Variants in TNRC6A observed in about 807,000 individuals in gnomAD.
TNRC6A encodes trinucleotide repeat-containing gene 6A protein.
In TNRC6A, 44 loss-of-function variants were observed where a neutral mutation model predicts 221.2. That is an observed-to-expected ratio of 0.20 (90% confidence interval 0.16 to 0.26). The LOEUF is 0.26. Among genes scored for constraint, TNRC6A ranks in the 10% least tolerant of loss-of-function variants. TNRC6A has a pLI of 1.00. For synonymous variants in TNRC6A, 847 were observed against 838.5 expected, an observed-to-expected ratio of 1.01 and a Z score of -0.18; for missense variants, 2,199 against 2,404.4, an observed-to-expected ratio of 0.91 and a Z score of 1.79.
At chr16:24,784,253 C>T (rs956669074) in intron 5 of TNRC6A, among the ~76,000 whole-genome samples, 5 of 152,158 alleles carry the variant, frequency 3.3e-5, no homozygotes, top group Admixed American at 6.5e-5. Context: ...CCTCCCGCCT[C>T]GGCCTCTCAA....
At chr16:24,760,991 A>G (rs918985304) in intron 4 of TNRC6A, among the ~76,000 whole-genome samples, 4 of 152,252 alleles carry the variant, frequency 2.6e-5, no homozygotes, top group Admixed American at 6.5e-5. Context: ...CAGTGTTTTT[A>G]TTGTTATCCT....
intron 4 of TNRC6A, among the ~76,000 whole-genome samples, chr16:24,772,964 T>G (rs2057643438): frequency 6.6e-6 from 1 of 152,224 alleles, no homozygotes; most frequent in Non-Finnish European, 1.5e-5. Context: ...TTCAAACTAT[T>G]TATAGATTTG....
rs1185888912 is a variant in TNRC6A, at chr16:24,823,543, C to T, written c.5625C>T (p.Leu1875=). The change falls in exon 25 of 25, where the codon CTC becomes CTT. Residue 1875 remains leucine (L), a synonymous_variant. Coordinates refer to ENST00000395799, the MANE Select transcript of TNRC6A (RefSeq NM_014494.4). This position sits in a 1 kb window ranked among gnomAD's most constrained non-coding sequence, Gnocchi z 4.3. ...SLTPSPGWQS[L]GSSQSRLGSL... ...CCCCTTCTCCCGGCTGGCAGTCTCT[C>T]GGGTCCAGCCAGAGCCGGCTGGGCT... 13 of 1,614,038 alleles carry T rather than the reference C, an allele frequency of 8.1e-6. No individual in the cohort carries two copies. Among genetic ancestry groups the T allele is most frequent in the Non-Finnish European group, 1.1e-5 (13 of 1,180,040 alleles).
In TNRC6A at chr16:24,729,682, T is replaced by TGTCGGTGTCGGC; in HGVS notation, c.-155_-154insTGTCGGCGTCGG. 1.5e-6 allele frequency: 1 copy of TGTCGGTGTCGGC among 677,826 alleles called. No homozygotes were observed. Among genetic ancestry groups the TGTCGGTGTCGGC allele is most frequent in the Non-Finnish European group, 2.0e-6 (1 of 501,670 alleles). The allele number at this position is 677,826 out of a possible 1,614,324, so 42.0% of individuals were successfully genotyped here. A position where few individuals can be genotyped will look rare whatever the true frequency, so the allele number is the denominator to read the frequency against. On this transcript the variant is annotated 5_prime_UTR_variant, in exon 1 of 25. Coordinates refer to ENST00000395799, the MANE Select transcript of TNRC6A (RefSeq NM_014494.4). The stretch of plus-strand genomic sequence containing the variant: ...GGTCTGGGGCCTGCGGCGGCGGCGG[T>TGTCGGTGTCGGC]GTCGGCGGCGGCGGCGGCGGCGGCG...
chr16:24,687,855 A>G (rs142242839), intron 2 of TNRC6A, among the ~76,000 whole-genome samples: 4 of 142,360 alleles, frequency 2.8e-5, no homozygotes, highest in South Asian at 3.2e-4. Flanking sequence ...AAGAAGAAGA[A>G]GAAGAAGAAG....
intron 2 of TNRC6A, among the ~76,000 whole-genome samples, chr16:24,673,230 C>T (rs2142007444): frequency 6.6e-6 from 1 of 152,256 alleles, no homozygotes; most frequent in South Asian, 2.1e-4. Flanking sequence ...ACTATTCTTT[C>T]AACTTTTCTG....
chr16:24,698,268 T>G (rs902309418), intron 2 of TNRC6A, among the ~76,000 whole-genome samples: 1 of 152,118 alleles, frequency 6.6e-6, no homozygotes, highest in African/African-American at 2.4e-5. Flanking sequence ...CACATTCATG[T>G]GGAAGAAGCG....
upstream of TNRC6A, among the ~76,000 whole-genome samples, chr16:24,724,793 G>A (rs550823242): frequency 6.6e-6 from 1 of 152,006 alleles, no homozygotes; most frequent in African/African-American, 2.4e-5. Context: ...TCATATCCAC[G>A]TTCATGTTTA....
upstream of TNRC6A, among the ~76,000 whole-genome samples, chr16:24,727,025 C>CTT (rs371206942): frequency 2.1e-4 from 29 of 138,698 alleles, no homozygotes; most frequent in African/African-American, 5.5e-4. Context: ...GAAATCACAT[C>CTT]TTTTTTTTTT....
chr16:24,757,781 A>G (rs1366446608), intron 3 of TNRC6A, among the ~76,000 whole-genome samples: 1 of 152,152 alleles, frequency 6.6e-6, no homozygotes, highest in Non-Finnish European at 1.5e-5. Context: ...TCAGTTTGAA[A>G]TTTTTTTCCA....
At chr16:24,739,095 C>T (rs908010235) in intron 2 of TNRC6A, among the ~76,000 whole-genome samples, 2 of 152,084 alleles carry the variant, frequency 1.3e-5, no homozygotes, top group African/African-American at 2.4e-5. Context: ...AGGAACTGCC[C>T]GACTGTTTGC....
intron 2 of TNRC6A, among the ~76,000 whole-genome samples, chr16:24,675,532 T>C (rs184890576): frequency 4.6e-5 from 7 of 151,046 alleles, no homozygotes; most frequent in African/African-American, 1.7e-4. Context: ...ATACAAAAAA[T>C]TAGCTGGGCA....
intron 1 of TNRC6A, among the ~76,000 whole-genome samples, chr16:24,638,487 C>T (rs927354043): frequency 1.1e-4 from 16 of 151,552 alleles, no homozygotes; most frequent in African/African-American, 2.7e-4. Context: ...CCGAGGCAGG[C>T]GGATCGCTTG....
At chr16:24,666,789 C>T (rs2055181024) in intron 2 of TNRC6A, among the ~76,000 whole-genome samples, 1 of 150,274 alleles carries the variant, frequency 6.7e-6, no homozygotes, top group Non-Finnish European at 1.5e-5. Context: ...TTTTTACTAA[C>T]CGAAGGCACT....
chr16:24,672,035 G>T (rs1261561562), intron 2 of TNRC6A, among the ~76,000 whole-genome samples: 3 of 152,208 alleles, frequency 2.0e-5, no homozygotes, highest in Non-Finnish European at 4.4e-5. Flanking sequence ...CAGCATGTGA[G>T]ATTGTGTTAG....
chr16:24,743,266 A>G (rs956391571), intron 2 of TNRC6A, among the ~76,000 whole-genome samples: 6 of 151,572 alleles, frequency 4.0e-5, no homozygotes, highest in African/African-American at 7.2e-5. Context: ...TGGAGTATCT[A>G]TTGTTTTCTA....
chr16:24,793,446 T>TGACC, intron 6 of TNRC6A, 27 bp from the exon 7 acceptor site: 1 of 1,376,838 alleles, frequency 7.3e-7, no homozygotes, highest in African/African-American at 1.5e-5. Flanking sequence ...TCTATGCTGA[T>TGACC]GACTTCTTTT....
intron 2 of TNRC6A, among the ~76,000 whole-genome samples, chr16:24,744,581 G>A (rs967276989): frequency 4.0e-5 from 6 of 151,750 alleles, no homozygotes; most frequent in African/African-American, 7.3e-5. Flanking sequence ...ATAATTTATC[G>A]CTCAAATTAT....
chr16:24,823,049 T>C lies in TNRC6A; in HGVS notation c.5513+36T>C, dbSNP rs1390952795. On this transcript the variant is annotated intron_variant, in intron 24 of 24. Transcript: ENST00000395799. This position sits in a 1 kb window ranked among gnomAD's most constrained non-coding sequence, Gnocchi z 4.3. ...TGTTGGGCTCCCAGTTGGAAGAGTC[T>C]AGGGGAAGGAGTGTGAGAGCACAGC... is the stretch of plus-strand genomic sequence containing the variant. The C allele has an allele frequency of 1.2e-6, 2 of 1,613,774 alleles. No homozygotes were observed. The highest frequency in any genetic ancestry group is 1.3e-5 in the African/African-American group (1 of 75,050).
Sources: gnomAD v4.1 joint callset for allele counts (sites outside exome capture counted in the v4.1 genomes callset) on GRCh38, gnomAD v4.1.1 for gene constraint, Gnocchi (gnomAD v3.1) non-coding constraint, MANE v1.5 for transcripts, NCBI Gene and HGNC (gene_info 2026-07-23, HGNC 2026-07-21) for gene names.